SLC25A12: variants seen among roughly 807,000 people sequenced by gnomAD.
SLC25A12 encodes the protein solute carrier family 25 member 12, also known as electrogenic aspartate/glutamate antiporter SLC25A12, mitochondrial.
SLC25A12 carries 32 observed loss-of-function variants against 83.3 expected under a neutral mutation model. The ratio of observed to expected loss-of-function variants is 0.38; its 90% CI spans 0.29 to 0.52. SLC25A12 has a LOEUF of 0.52. SLC25A12 is among the 20% of genes least tolerant of loss of function. SLC25A12 has a pLI of 0.84. For missense variants in SLC25A12, 611 were observed against 835.6 expected (o/e 0.73, Z 3.31); for synonymous variants, 267 against 291.1 (o/e 0.92, Z 0.84).
intron 10 of SLC25A12, among the ~76,000 whole-genome samples, chr2:171,814,424 G>A (rs1684005220): frequency 6.6e-6 from 1 of 151,710 alleles, no homozygotes; most frequent in African/African-American, 2.4e-5. Flanking sequence ...GCAAAACTGG[G>A]TCACTTTGAG....
At chr2:171,803,407 A>G (rs1481486075) in intron 13 of SLC25A12, among the ~76,000 whole-genome samples, 1 of 152,202 alleles carries the variant, frequency 6.6e-6, no homozygotes, top group Non-Finnish European at 1.5e-5. Context: ...CTGAAAAGGG[A>G]CTCATATCTA....
At chr2:171,793,368 G>A (rs544942064) in intron 14 of SLC25A12, among the ~76,000 whole-genome samples, 1 of 152,266 alleles carries the variant, frequency 6.6e-6, no homozygotes, top group African/African-American at 2.4e-5. Context: ...CAAATGAAAG[G>A]CTGTGAGCCT....
intron 3 of SLC25A12, among the ~76,000 whole-genome samples, chr2:171,862,002 T>C (rs1431341824): frequency 6.6e-6 from 1 of 152,246 alleles, no homozygotes; most frequent in African/African-American, 2.4e-5. Context: ...AAAAATTTTC[T>C]ACGAAGCCCC....
In SLC25A12 at chr2:171,792,464, C is replaced by CT. The variant is rs1208819351; in HGVS notation, c.1447-876dup. 5.7e-4 allele frequency among the ~76,000 whole-genome samples: 83 copies of CT among 144,874 alleles called. 1 individual carries two copies. The highest frequency in any genetic ancestry group is 5.1e-3 in the East Asian group (25 of 4,950). Reference sequence around the variant, plus strand: ...CACTGTGCCGGCTAATTTTTTCTTTCTTTTTTTTTTTTAAGGTAGACACAA... The same window carrying CT: ...CACTGTGCCGGCTAATTTTTTCTTTCTTTTTTTTTTTTTAAGGTAGACACAA... On this transcript the variant is annotated intron_variant, in intron 14 of 17. Coordinates refer to ENST00000422440, the MANE Select transcript of SLC25A12 (RefSeq NM_003705.5).
rs976590488 is a variant in SLC25A12 at position 171,831,962 on chromosome 2, GTGT to G, written c.845+1998_845+2000del. On this transcript the variant is annotated intron_variant, in intron 8 of 17. Coordinates refer to ENST00000422440, the MANE Select transcript of SLC25A12 (RefSeq NM_003705.5). Reference sequence around the variant, plus strand: ...CAGCTAGATCTTCCCCTGTCTACAAGTGTTGTGTGTGTGATGTTATATAAAGGA... The same window carrying G: ...CAGCTAGATCTTCCCCTGTCTACAAGTGTGTGTGTGATGTTATATAAAGGA... Among the ~76,000 whole-genome samples, 102 of 151,958 alleles carry G rather than the reference GTGT, an allele frequency of 6.7e-4. 1 individual carries two copies. Among genetic ancestry groups the G allele is most frequent in the Non-Finnish European group, 1.1e-3 (75 of 68,016 alleles).
At chr2:171,882,166 C>T (rs896530349) in intron 2 of SLC25A12, among the ~76,000 whole-genome samples, 10 of 152,132 alleles carry the variant, frequency 6.6e-5, no homozygotes, top group African/African-American at 2.4e-4. Context: ...ATATGCTATA[C>T]ATAAACAGTT....
intron 10 of SLC25A12, among the ~76,000 whole-genome samples, chr2:171,814,092 G>A (rs895633064): frequency 1.3e-5 from 2 of 151,932 alleles, no homozygotes; most frequent in Non-Finnish European, 2.9e-5. Context: ...TTACATGAAC[G>A]AGAGTATTAC....
At chr2:171,825,569 GTC>G (rs140552995) in intron 9 of SLC25A12, among the ~76,000 whole-genome samples, 295 of 147,676 alleles carry the variant, frequency 2.0e-3, no homozygotes, top group Middle Eastern at 3.6e-3. Flanking sequence ...TTTAGTAACT[GTC>G]TCTCTCTCTC....
chr2:171,789,790 A>G (rs1238814194), intron 15 of SLC25A12, among the ~76,000 whole-genome samples: 2 of 152,034 alleles, frequency 1.3e-5, no homozygotes, highest in Non-Finnish European at 2.9e-5. Context: ...ACTACTTGGG[A>G]GGCTGACACA....
rs745760344 is a variant in SLC25A12, at chr2:171,815,135, C to G, written c.998G>C (p.Gly333Ala). The G allele has an allele frequency of 5.6e-6, 9 of 1,613,606 alleles. No homozygotes were observed. In the East Asian group the frequency reaches 1.8e-4, roughly 32 times the overall value. Reference protein sequence around the residue: ...IAESAYRFTLGSVAGAVGATA... With the variant: ...IAESAYRFTLASVAGAVGATA... ...ATGTCACTCACCTCCAGCAACTGAG[C>G]CCAGAGTGAATCTGTAAGCAGACTC... The change falls in exon 10 of 18, where the codon GGC becomes GCC. Residue 333 changes from glycine (G) to alanine (A), a missense_variant. Transcript: ENST00000422440.
At chr2:171,875,154 C>T (rs1235820739) in intron 2 of SLC25A12, among the ~76,000 whole-genome samples, 3 of 152,060 alleles carry the variant, frequency 2.0e-5, no homozygotes, top group South Asian at 2.1e-4. Flanking sequence ...GGTTGCTTTC[C>T]GCAACCAATC....
At position 171,863,253 on chromosome 2, in the gene SLC25A12, C is replaced by T. The variant is rs117236189; in HGVS notation, c.209+5428G>A. 6.7e-4 allele frequency among the ~76,000 whole-genome samples: 102 copies of T among 152,184 alleles called. No individual in the cohort carries two copies. The Middle Eastern group carries it at 0.01, about 15-fold the overall frequency. ...TATAAGAAGAAAAATGGGCCAGGTG[C>T]GGTGGCTTATGCCTGCAATCCCAGC... On this transcript the variant is annotated intron_variant, in intron 3 of 17. Transcript: ENST00000422440.
intron 3 of SLC25A12, among the ~76,000 whole-genome samples, chr2:171,856,393 C>T (rs1313087480): frequency 1.3e-5 from 2 of 152,072 alleles, no homozygotes; most frequent in Non-Finnish European, 2.9e-5. Flanking sequence ...AAAAATGTCT[C>T]CAGACATTGC....
intron 13 of SLC25A12, among the ~76,000 whole-genome samples, chr2:171,795,482 A>G (rs1461995695): frequency 1.3e-5 from 2 of 152,240 alleles, no homozygotes. Flanking sequence ...ATCAATTGAA[A>G]AAGTTTACTA....
At chr2:171,835,051 A>G (rs1216988097) in intron 6 of SLC25A12, among the ~76,000 whole-genome samples, 186 bp from the exon 7 acceptor site, 1 of 152,244 alleles carries the variant, frequency 6.6e-6, no homozygotes, top group Non-Finnish European at 1.5e-5. Flanking sequence ...AGGGAAGTCT[A>G]TGTAATTTAG....
intron 14 of SLC25A12, 136 bp downstream of exon 14, chr2:171,793,491 T>A: frequency 1.1e-6 from 1 of 875,416 alleles, no homozygotes; most frequent in East Asian, 2.5e-5. Flanking sequence ...GTGTCCTGAT[T>A]CTTTTCTTTT....
At position 171,820,591 on chromosome 2, in the gene SLC25A12, A is replaced by G. The variant is rs1247727361; in HGVS notation, c.931-5389T>C. ...AAAATACAAAAAATTAGCCGGGCGC[A>G]GTGGCGGGCGCCTGTAGTCCCAGCT... is the stretch of plus-strand genomic sequence containing the variant. On this transcript the variant is annotated intron_variant, in intron 9 of 17. Transcript: ENST00000422440. Among the ~76,000 whole-genome samples the G allele has an allele frequency of 8.3e-5, 11 of 131,960 alleles. 2 individuals are homozygous for G. Among genetic ancestry groups the G allele is most frequent in the East Asian group, 2.1e-4 (1 of 4,818 alleles). The allele number at this position is 131,960 out of a possible 152,430, so 86.6% of individuals were successfully genotyped here.
intron 11 of SLC25A12, among the ~76,000 whole-genome samples, chr2:171,812,849 T>C (rs540241902): frequency 6.6e-6 from 1 of 151,626 alleles, no homozygotes; most frequent in Non-Finnish European, 1.5e-5. Context: ...AAAAAATTTA[T>C]AAATGGTCCC....
intron 10 of SLC25A12, 42 bp downstream of exon 10, chr2:171,815,079 C>CA (rs1301569982): frequency 6.7e-7 from 1 of 1,499,522 alleles, no homozygotes; most frequent in Non-Finnish European, 9.3e-7. Context: ...GATAATATTA[C>CA]ATTAACACAA....
Sources: allele counts gnomAD v4.1 joint callset (sites outside exome capture counted in the v4.1 genomes callset), GRCh38; gene constraint gnomAD v4.1.1; transcripts MANE v1.5; gene names NCBI Gene and HGNC (gene_info 2026-07-23, HGNC 2026-07-21).